The following PRR12 variants were observed in gnomAD, a reference collection of about 807,000 sequenced individuals.
The protein encoded by PRR12 is proline-rich protein 12.
A neutral mutation model predicts 138.0 loss-of-function variants in PRR12; 12 were observed. The observed-to-expected ratio is 0.09, with a 90% CI of 0.06 to 0.14. PRR12 has a LOEUF of 0.14. Ranked by LOEUF, PRR12 falls within the 10% of genes least tolerant of loss-of-function variation. The pLI is 1.00. For missense variants in PRR12, 2,692 were observed against 2,861.3 expected, an observed-to-expected ratio of 0.94 and a Z score of 1.35; for synonymous variants, 1,567 against 1,291.7, an observed-to-expected ratio of 1.21 and a Z score of -4.57.
rs1320812704 is a variant in PRR12 at position 49,616,372 on chromosome 19, T to A, written c.5497+153T>A. On this transcript the variant is annotated intron_variant, in intron 9 of 13. Transcript: ENST00000418929. The surrounding 1 kb of genome is among the most constrained non-coding windows in gnomAD (Gnocchi z 4.2). ...AGCTCACAGTCACGGGGCATCTCAC[T>A]ACACGACAGGCTGCCTCCTGAGAAG... 1.3e-5 allele frequency among the ~76,000 whole-genome samples: 2 copies of A among 151,684 alleles called. No individual in the cohort carries two copies. Among genetic ancestry groups the A allele is most frequent in the East Asian group, 3.9e-4 (2 of 5,176 alleles).
At chr19:49,618,714 G>A (rs985979875) in intron 9 of PRR12, among the ~76,000 whole-genome samples, 4 of 151,630 alleles carry the variant, frequency 2.6e-5, no homozygotes, top group African/African-American at 7.3e-5. Context: ...TCTACCTGTC[G>A]CCCCCACAGC....
At position 49,596,608 on chromosome 19, in the gene PRR12, C is replaced by T. The variant is rs1358276813; in HGVS notation, c.2273C>T (p.Ala758Val). ...HYGAGAKELG[A>V]FLQKSPPPPP... Reference sequence around the variant, plus strand: ...GGGGCAGGCGCCAAGGAGCTGGGGGCCTTCTTGCAAAAGAGCCCTCCGCCC... The same window carrying T: ...GGGGCAGGCGCCAAGGAGCTGGGGGTCTTCTTGCAAAAGAGCCCTCCGCCC... Residue 758 changes from alanine to valine, a missense_variant, in exon 4 of 14, where the codon GCC becomes GTC. By Grantham distance (64) the Ala-to-Val change is moderately conservative. Transcript: ENST00000418929. This position sits in a 1 kb window ranked among gnomAD's most constrained non-coding sequence, Gnocchi z 5.6. 3 of 1,593,474 alleles carry T rather than the reference C, an allele frequency of 1.9e-6. No individual in the cohort carries two copies. Among genetic ancestry groups the T allele is most frequent in the Non-Finnish European group, 2.6e-6 (3 of 1,170,680 alleles).
Position 49,625,376 on chromosome 19 carries a change from G to C in PRR12, c.5965-85G>C. 1 of 1,464,956 alleles carries C rather than the reference G, an allele frequency of 6.8e-7. No homozygotes were observed. The highest frequency in any genetic ancestry group is 9.2e-7 in the Non-Finnish European group (1 of 1,088,192). 90.7% of individuals were successfully genotyped at this position (1,464,956 alleles called of 1,614,324 possible). On this transcript the variant is annotated intron_variant, in intron 13 of 13. Transcript: ENST00000418929. This position sits in a 1 kb window ranked among gnomAD's most constrained non-coding sequence, Gnocchi z 5.5. Reference sequence around the variant, plus strand: ...TGGTCTCCCTGGGACACTGACATCTGACACCCCAGGCCCCATGCCCCAGCC... The same window carrying C: ...TGGTCTCCCTGGGACACTGACATCTCACACCCCAGGCCCCATGCCCCAGCC...
Position 49,625,837 on chromosome 19 carries a change from T to A in PRR12, c.*230T>A. 1 of 448,216 alleles carries A rather than the reference T, an allele frequency of 2.2e-6. No homozygotes were observed. The highest frequency in any genetic ancestry group is 3.9e-6 in the Non-Finnish European group (1 of 256,982). The allele number at this position is 448,216 out of a possible 1,614,324, so 27.8% of individuals were successfully genotyped here. On this transcript the variant is annotated 3_prime_UTR_variant, in exon 14 of 14. Transcript: ENST00000418929. The surrounding 1 kb of genome is among the most constrained non-coding windows in gnomAD (Gnocchi z 5.5). ...CCCACTGTTCGGTGTACAGAGAAATTATTTATATATATGTATAAATGTCTA... is the reference window on the plus strand; with the variant it reads ...CCCACTGTTCGGTGTACAGAGAAATAATTTATATATATGTATAAATGTCTA...
chr19:49,611,768 A>G (rs1165422650), intron 6 of PRR12, among the ~76,000 whole-genome samples: 6 of 146,958 alleles, frequency 4.1e-5, no homozygotes, highest in Non-Finnish European at 8.9e-5. Flanking sequence ...CTAAAAATAC[A>G]AAAAAATAGC....
At chr19:49,610,732 A>T (rs1484373092) in intron 6 of PRR12, among the ~76,000 whole-genome samples, 1 of 151,542 alleles carries the variant, frequency 6.6e-6, no homozygotes, top group African/African-American at 2.4e-5. Flanking sequence ...TTTAGTAGAG[A>T]CGGGGTTTCA....
chr19:49,597,324 C>T lies in PRR12; in HGVS notation c.2989C>T (p.Arg997Trp), dbSNP rs1244683762. Residue 997 changes from arginine (R) to tryptophan (W), a missense_variant, in exon 4 of 14, where the codon CGG (arginine) becomes TGG (tryptophan). Arg to Trp is a moderately radical substitution (Grantham distance 101). Around this residue, in one of 11 missense-constraint regions of PRR12, gnomAD observed 840 missense variants for 689.8 expected, o/e 1.22. Transcript: ENST00000418929. This position sits in a 1 kb window ranked among gnomAD's most constrained non-coding sequence, Gnocchi z 6.3. ...YDPYGPYCPG[R>W]ASGAGPETPG... ...TCCCTATGGGCCCTACTGTCCTGGC[C>T]GGGCGTCGGGAGCCGGGCCCGAGAC... 3.2e-6 allele frequency: 5 copies of T among 1,547,012 alleles called. No individual in the cohort carries two copies. The highest frequency in any genetic ancestry group is 2.7e-5 in the African/African-American group (2 of 73,282).
In PRR12 at chr19:49,601,689, C is replaced by T. The variant is rs1263728584; in HGVS notation, c.4544C>T (p.Pro1515Leu). The T allele has an allele frequency of 6.5e-7, 1 of 1,538,840 alleles. No individual in the cohort carries two copies. The highest frequency in any genetic ancestry group is 1.4e-5 in the African/African-American group (1 of 73,026). ...PPPAMPSPPP[P>L]PPPAAAPLAA... ...CCAGCCATGCCCTCGCCTCCACCAC[C>T]ACCCCCACCAGCCGCTGCCCCACTG... The change falls in exon 6 of 14, where the codon CCA becomes CTA. Residue 1515 changes from proline to leucine, a missense_variant. Pro to Leu is a moderately conservative substitution (Grantham distance 98). Coordinates refer to ENST00000418929, the MANE Select transcript of PRR12 (RefSeq NM_020719.3).
chr19:49,592,062 C>T (rs563668897), intron 1 of PRR12, among the ~76,000 whole-genome samples: 1 of 152,266 alleles, frequency 6.6e-6, no homozygotes, highest in Admixed American at 6.5e-5. Context: ...CTTGGATTCC[C>T]GGCTTGGTGA....
In PRR12 at chr19:49,616,478, A is replaced by G. The variant is rs1337110841; in HGVS notation, c.5497+259A>G. Among the ~76,000 whole-genome samples the G allele has an allele frequency of 3.9e-5, 6 of 152,120 alleles. No homozygotes were observed. Among genetic ancestry groups the G allele is most frequent in the Non-Finnish European group, 8.8e-5 (6 of 68,028 alleles). Reference sequence around the variant, plus strand: ...TCCTCATCTACAGATGAGGAAGCTGAGGCTCCAAGAGAGGGCAGCACAGTC... The same window carrying G: ...TCCTCATCTACAGATGAGGAAGCTGGGGCTCCAAGAGAGGGCAGCACAGTC... On this transcript the variant is annotated intron_variant, in intron 9 of 13. Transcript: ENST00000418929. The surrounding 1 kb of genome is among the most constrained non-coding windows in gnomAD (Gnocchi z 4.2).
chr19:49,618,242 C>T (rs2080902965), intron 9 of PRR12, among the ~76,000 whole-genome samples: 1 of 152,034 alleles, frequency 6.6e-6, no homozygotes, highest in Admixed American at 6.6e-5. Context: ...CCTGTTTCTG[C>T]CCCTGGCCAC....
rs747524429 is a variant in PRR12, at chr19:49,595,097, C to T, written c.762C>T (p.Ala254=). ...ACCTGCTGGCTTCCTCTTCCGCTGCCGCCGCCGCTGCCGAGCAGTCCTCCC... is the reference window on the plus strand; with the variant it reads ...ACCTGCTGGCTTCCTCTTCCGCTGCTGCCGCCGCTGCCGAGCAGTCCTCCC... ...QFNLLASSSA[A]AAAAEQSSPQ... The change falls in exon 4 of 14, where the codon GCC becomes GCT. Residue 254 remains alanine (A), a synonymous_variant. Coordinates refer to ENST00000418929, the MANE Select transcript of PRR12 (RefSeq NM_020719.3). The T allele has an allele frequency of 1.3e-4, 215 of 1,611,588 alleles. No homozygotes were observed. Among genetic ancestry groups the T allele is most frequent in the Non-Finnish European group, 1.6e-4 (191 of 1,179,628 alleles).
Position 49,596,640 on chromosome 19 carries a change from C to A in PRR12, c.2305C>A (p.Pro769Thr). Residue 769 changes from proline to threonine, a missense_variant, in exon 4 of 14, where the codon CCC becomes ACC. Transcript: ENST00000418929. The surrounding 1 kb of genome is among the most constrained non-coding windows in gnomAD (Gnocchi z 5.6). ...FLQKSPPPPP[P>T]TAQSTQPTPH... is the part of the protein sequence containing the mutation. ...GCAAAAGAGCCCTCCGCCCCCACCT[C>A]CCACGGCCCAGTCTACCCAGCCCAC... The A allele has an allele frequency of 6.3e-7, 1 of 1,597,362 alleles. No homozygotes were observed. Among genetic ancestry groups the A allele is most frequent in the Admixed American group, 1.7e-5 (1 of 58,100 alleles).
At chr19:49,620,558 G>T in intron 10 of PRR12, 81 bp downstream of exon 10, 1 of 1,532,616 alleles carries the variant, frequency 6.5e-7, no homozygotes, top group Non-Finnish European at 8.8e-7. Context: ...CGTGATGTGA[G>T]AGAGGAGAGG....
intron 6 of PRR12, among the ~76,000 whole-genome samples, chr19:49,605,106 C>T (rs1056065705): frequency 3.2e-4 from 49 of 151,962 alleles, no homozygotes; most frequent in African/African-American, 1.1e-3. Flanking sequence ...CCGCCTCGGC[C>T]TCCCAAAGTG....
chr19:49,602,146 C>T (rs1014723359), intron 6 of PRR12, among the ~76,000 whole-genome samples: 12 of 152,120 alleles, frequency 7.9e-5, no homozygotes, highest in Non-Finnish European at 1.2e-4. Context: ...TAAGGTAAAG[C>T]GATTGTTAAC....
chr19:49,602,389 T>C (rs754877827), intron 6 of PRR12, among the ~76,000 whole-genome samples: 13 of 152,152 alleles, frequency 8.5e-5, no homozygotes, highest in African/African-American at 2.2e-4. Context: ...TACACACTTA[T>C]GTAACCTGTA....
chr19:49,614,960 G>C lies in PRR12; in HGVS notation c.4975G>C (p.Val1659Leu). ...FLENVNKKDYVRVCARKPWHR... is the reference protein window; with the variant it reads ...FLENVNKKDYLRVCARKPWHR... Reference sequence around the variant, plus strand: ...GGAAAATGTCAATAAGAAGGACTACGTGAGGGTCTGTGCTCGGAAACCCTG... The same window carrying C: ...GGAAAATGTCAATAAGAAGGACTACCTGAGGGTCTGTGCTCGGAAACCCTG... Residue 1659 changes from valine to leucine, a missense_variant, in exon 8 of 14, where the codon GTG (valine) becomes CTG (leucine). Val to Leu is a conservative substitution (Grantham distance 32, BLOSUM62 1). Around this residue, in one of 11 missense-constraint regions of PRR12, gnomAD observed 92 missense variants for 174.1 expected, o/e 0.53. Coordinates refer to ENST00000418929, the MANE Select transcript of PRR12 (RefSeq NM_020719.3). This position sits in a 1 kb window ranked among gnomAD's most constrained non-coding sequence, Gnocchi z 5.0. The C allele has an allele frequency of 6.2e-7, 1 of 1,614,032 alleles. No homozygotes were observed.
intron 9 of PRR12, 67 bp from the exon 10 acceptor site, chr19:49,620,285 G>T: frequency 6.3e-7 from 1 of 1,596,506 alleles, no homozygotes; most frequent in Admixed American, 1.7e-5. Context: ...GTTGAGAACA[G>T]TGTCTGCCAC....
Sources: allele counts gnomAD v4.1 joint callset (sites outside exome capture counted in the v4.1 genomes callset), GRCh38; gene constraint gnomAD v4.1.1; regional missense constraint gnomAD v4.1.1; non-coding constraint Gnocchi (gnomAD v3.1); transcripts MANE v1.5; gene names NCBI Gene and HGNC (gene_info 2026-07-23, HGNC 2026-07-21).